The following CNGA2 variants were observed in gnomAD, a reference collection of about 807,000 sequenced individuals.
CNGA2 encodes cyclic nucleotide-gated channel alpha-2.
In CNGA2, 22 loss-of-function variants were observed where a neutral mutation model predicts 35.9. The ratio of observed to expected loss-of-function variants is 0.61; its 90% CI spans 0.44 to 0.88. The LOEUF is 0.88. Among genes scored for constraint, CNGA2 ranks in the 40% least tolerant of loss-of-function variants. CNGA2 has a pLI of 0.00. For missense variants in CNGA2, 555 were observed against 530.8 expected, an observed-to-expected ratio of 1.05 and a Z score of -0.45; for synonymous variants, 217 against 209.2, an observed-to-expected ratio of 1.04 and a Z score of -0.32.
intron 1 of CNGA2, among the ~76,000 whole-genome samples, chrX:151,736,257 G>A (rs2015246873): frequency 1.8e-5 from 2 of 111,800 alleles, no homozygotes; most frequent in South Asian, 7.5e-4. Context: ...AAACCCTGGT[G>A]ATCATGCGCC....
intron 1 of CNGA2, among the ~76,000 whole-genome samples, chrX:151,737,357 C>T (rs184269859): frequency 9.7e-4 from 109 of 112,224 alleles, no homozygotes; most frequent in Middle Eastern, 9.2e-3. Flanking sequence ...TCGGCTGTTC[C>T]TTCTCCATCT....
At position 151,738,813 on chromosome X, in the gene CNGA2, C is replaced by T. The variant is rs939014394; in HGVS notation, c.137C>T (p.Thr46Ile). The change falls in exon 3 of 7, where the codon ACC becomes ATC. Residue 46 changes from threonine to isoleucine, a missense_variant. By Grantham distance (89) the Thr-to-Ile change is moderately conservative (BLOSUM62 -1). Coordinates refer to ENST00000329903, the MANE Select transcript of CNGA2 (RefSeq NM_005140.3). Reference sequence around the variant, plus strand: ...CCACACTCTGCAGCTGACGATGACACCTCCTCAGAACTGCAGAGGCTGGCA... The same window carrying T: ...CCACACTCTGCAGCTGACGATGACATCTCCTCAGAACTGCAGAGGCTGGCA... ...SRPHSAADDD[T>I]SSELQRLADV... is the part of the protein sequence containing the mutation. The T allele has an allele frequency of 3.4e-6, 4 of 1,177,899 alleles. No homozygotes were observed. Among genetic ancestry groups the T allele is most frequent in the Admixed American group, 5.0e-5 (2 of 39,875 alleles).
At position 151,743,583 on chromosome X, in the gene CNGA2, C is replaced by T. The variant is rs546847281; in HGVS notation, c.1080C>T (p.Gly360=). Residue 360 remains glycine (G), a synonymous_variant, in exon 7 of 7, where the codon GGC becomes GGT. Coordinates refer to ENST00000329903, the MANE Select transcript of CNGA2 (RefSeq NM_005140.3). ...TTGTCATCTTTGACTTCCTGATTGG[C>T]GTCCTCATCTTTGCCACCATCGTGG... ...YLFVIFDFLI[G]VLIFATIVGN... The T allele has an allele frequency of 4.7e-4, 572 of 1,209,275 alleles. 2 individuals are homozygous for T. In the South Asian group the frequency reaches 9.0e-3, roughly 19 times the overall value.
In CNGA2 at chrX:151,743,935, G is replaced by A; in HGVS notation, c.1432G>A (p.Gly478Arg). 3 of 1,211,317 alleles carry A rather than the reference G, an allele frequency of 2.5e-6. No homozygotes were observed. The highest frequency in any genetic ancestry group is 3.4e-6 in the Non-Finnish European group (3 of 895,423). ...ACTCCGTCCTCAGGTCTTCAGTCCT[G>A]GGGATTACATTTGCCGCAAAGGGGA... ...LKLRPQVFSP[G>R]DYICRKGDIG... Residue 478 changes from glycine to arginine, a missense_variant, in exon 7 of 7, where the codon GGG becomes AGG. Coordinates refer to ENST00000329903, the MANE Select transcript of CNGA2 (RefSeq NM_005140.3).
At chrX:151,736,708 G>T (rs898561937) in intron 1 of CNGA2, among the ~76,000 whole-genome samples, 1 of 110,765 alleles carries the variant, frequency 9.0e-6, no homozygotes, top group Non-Finnish European at 1.9e-5. Context: ...GCTCAGGGAC[G>T]GGTCTGTTTC....
At position 151,739,583 on chromosome X, in the gene CNGA2, C is replaced by A; in HGVS notation, c.225C>A (p.Ile75=). 8.3e-7 allele frequency: 1 copy of A among 1,211,407 alleles called. No homozygotes were observed. Among genetic ancestry groups the A allele is most frequent in the Non-Finnish European group, 1.1e-6 (1 of 895,345 alleles). The stretch of plus-strand genomic sequence containing the variant: ...CTAGGATAGTTCGCCTGGTGGGGAT[C>A]ATCAGAGAATGGGCCAACAAGAATT... ...GFRRIVRLVG[I]IREWANKNFR... is the part of the protein sequence containing the mutation. Residue 75 remains isoleucine (I), a synonymous_variant, in exon 4 of 7, where the codon ATC becomes ATA. Transcript: ENST00000329903.
At chrX:151,742,944 ATATG>A (rs1172747182) in intron 6 of CNGA2, 145 bp from the exon 7 acceptor site, 33 of 71,752 alleles carry the variant, frequency 4.6e-4, no homozygotes, top group African/African-American at 1.8e-3. Context: ...ATATATATGT[ATATG>A]TATATATATA....
Position 151,741,333 on chromosome X carries a change from A to G in CNGA2, c.482+432A>G, listed in dbSNP as rs193233251. On this transcript the variant is annotated intron_variant, in intron 5 of 6. Transcript: ENST00000329903. Reference sequence around the variant, plus strand: ...TGGATCAGAACATGCTGTTTCCTCTAGAGAAAATTCCCTTTCCCTTCCATT... The same window carrying G: ...TGGATCAGAACATGCTGTTTCCTCTGGAGAAAATTCCCTTTCCCTTCCATT... Among the ~76,000 whole-genome samples, 4 of 111,875 alleles carry G rather than the reference A, an allele frequency of 3.6e-5. No homozygotes were observed. The East Asian group carries it at 1.1e-3, about 32-fold the overall frequency.
rs769814915 is a variant in CNGA2, at chrX:151,736,900, T to G, written c.-26-1558T>G. Among the ~76,000 whole-genome samples, 3 of 111,794 alleles carry G rather than the reference T, an allele frequency of 2.7e-5. No homozygotes were observed. In the South Asian group the frequency reaches 1.1e-3, roughly 43 times the overall value. On this transcript the variant is annotated intron_variant, in intron 1 of 6. Transcript: ENST00000329903. ...CAGGAGGCCAGCCCTGAAACTCTGG[T>G]GCGAATGGCTCCGGCTTTGTTTGCA... is the stretch of plus-strand genomic sequence containing the variant.
At chrX:151,738,383 T>G (rs1402402285) in intron 1 of CNGA2, 75 bp from the exon 2 acceptor site, 1 of 703,337 alleles carries the variant, frequency 1.4e-6, no homozygotes, top group Non-Finnish European at 2.2e-6. Context: ...ATCCATCCTG[T>G]TCACTTGCCA....
chrX:151,738,394 C>T (rs2015268704), intron 1 of CNGA2, 64 bp from the exon 2 acceptor site: 2 of 759,978 alleles, frequency 2.6e-6, no homozygotes, highest in Non-Finnish European at 4.0e-6. Context: ...TCACTTGCCA[C>T]TCTCCCACTC....
Position 151,738,761 on chromosome X carries a change from G to T in CNGA2, c.111-26G>T. ...GACAAGTCATGCCCTGAGAACCCTG[G>T]GTCAATTCTGCTCTTTTTTCTGCAG... On this transcript the variant is annotated intron_variant, in intron 2 of 6. Transcript: ENST00000329903. 3 of 1,149,794 alleles carry T rather than the reference G, an allele frequency of 2.6e-6. No homozygotes were observed. The South Asian group carries it at 5.9e-5, about 23-fold the overall frequency. 94.8% of individuals were successfully genotyped at this position (1,149,794 alleles called of 1,213,427 possible).
chrX:151,742,473 T>C (rs376366846), intron 5 of CNGA2, 63 bp from the exon 6 acceptor site: 30 of 871,156 alleles, frequency 3.4e-5, no homozygotes, highest in African/African-American at 3.0e-4. Context: ...AACACTCAGT[T>C]TGGGGCCTCC....
In CNGA2 at chrX:151,743,111, T is replaced by G; in HGVS notation, c.608T>G (p.Leu203Arg). 1 of 1,168,400 alleles carries G rather than the reference T, an allele frequency of 8.6e-7. No homozygotes were observed. The highest frequency in any genetic ancestry group is 1.1e-6 in the Non-Finnish European group (1 of 872,344). The change falls in exon 7 of 7, where the codon CTG becomes CGG. Residue 203 changes from leucine (L) to arginine (R), a missense_variant. Coordinates refer to ENST00000329903, the MANE Select transcript of CNGA2 (RefSeq NM_005140.3). ...CTACTAGGTTTCCTGGAGCAGGGGC[T>G]GCTGGTCAAAGATACCAAGAAACTG... Reference protein sequence around the residue: ...RLRTGFLEQGLLVKDTKKLRD... With the variant: ...RLRTGFLEQGRLVKDTKKLRD...
At position 151,743,238 on chromosome X, in the gene CNGA2, G is replaced by A. The variant is rs1569428480; in HGVS notation, c.735G>A (p.Val245=). 2 of 1,207,281 alleles carry A rather than the reference G, an allele frequency of 1.7e-6. No homozygotes were observed. Among genetic ancestry groups the A allele is most frequent in the Non-Finnish European group, 2.2e-6 (2 of 894,589 alleles). The change falls in exon 7 of 7, where the codon GTG becomes GTA. Residue 245 remains valine (V), a synonymous_variant. Transcript: ENST00000329903. The stretch of plus-strand genomic sequence containing the variant: ...CTGTGGACATCCACAGCCCTGAGGT[G>A]CGCTTCAACCGCCTGCTGCACTTTG... ...YFAVDIHSPE[V]RFNRLLHFAR... is the part of the protein sequence containing the mutation.
At position 151,738,792 on chromosome X, in the gene CNGA2, A is replaced by C. The variant is rs1328739967; in HGVS notation, c.116A>C (p.His39Pro). The C allele has an allele frequency of 8.6e-7, 1 of 1,164,396 alleles. No homozygotes were observed. The highest frequency in any genetic ancestry group is 3.2e-5 in the East Asian group (1 of 31,470). Residue 39 changes from histidine to proline, a missense_variant, in exon 3 of 7, where the codon CAC (histidine) becomes CCC (proline). Coordinates refer to ENST00000329903, the MANE Select transcript of CNGA2 (RefSeq NM_005140.3). Reference protein sequence around the residue: ...KDDHRTSSRPHSAADDDTSSE... With the variant: ...KDDHRTSSRPPSAADDDTSSE... ...TTCTGCTCTTTTTTCTGCAGGCCAC[A>C]CTCTGCAGCTGACGATGACACCTCC...
At position 151,743,833 on chromosome X, in the gene CNGA2, G is replaced by A. The variant is rs2015343773; in HGVS notation, c.1330G>A (p.Val444Ile). Residue 444 changes from valine (V) to isoleucine (I), a missense_variant, in exon 7 of 7, where the codon GTC becomes ATC. Physicochemically the swap from Val to Ile is conservative, Grantham distance 29. Coordinates refer to ENST00000329903, the MANE Select transcript of CNGA2 (RefSeq NM_005140.3). ...GCTCAGGGCTGAGATAGCCATCAAT[G>A]TCCACTTGTCCACACTCAAGAAAGT... ...AKLRAEIAIN[V>I]HLSTLKKVRI... The A allele has an allele frequency of 2.5e-6, 3 of 1,211,605 alleles. No homozygotes were observed. Among genetic ancestry groups the A allele is most frequent in the South Asian group, 1.8e-5 (1 of 56,971 alleles).
rs1206486529 is a variant in CNGA2, at chrX:151,743,377, A to G, written c.874A>G (p.Ile292Val). Residue 292 changes from isoleucine to valine, a missense_variant, in exon 7 of 7, where the codon ATC (isoleucine) becomes GTC (valine). By Grantham distance (29) the Ile-to-Val change is conservative. Transcript: ENST00000329903. ...GGTCATCATCCACTGGAATGCCTGC[A>G]TCTATTATGCCATCTCCAAATCCAT... ...ILVIIHWNAC[I>V]YYAISKSIGF... 1.7e-6 allele frequency: 2 copies of G among 1,209,513 alleles called. No homozygotes were observed. The highest frequency in any genetic ancestry group is 4.4e-5 in the Admixed American group (2 of 45,579).
intron 2 of CNGA2, 38 bp downstream of exon 2, chrX:151,738,631 C>T (rs1282815610): frequency 8.9e-7 from 1 of 1,126,155 alleles, no homozygotes; most frequent in Admixed American, 2.2e-5. Context: ...ACAGAGGCTG[C>T]TACTTCTTCC....
Sources: allele counts gnomAD v4.1 joint callset (sites outside exome capture counted in the v4.1 genomes callset), GRCh38; gene constraint gnomAD v4.1.1; transcripts MANE v1.5; gene names NCBI Gene and HGNC (gene_info 2026-07-23, HGNC 2026-07-21).